Variants in HECW2 observed in about 807,000 individuals in gnomAD.
HECW2 encodes HECT, C2 and WW domain containing E3 ubiquitin protein ligase 2.
In HECW2, 61 loss-of-function variants were observed where a neutral mutation model predicts 175.2. The ratio of observed to expected loss-of-function variants is 0.35; its 90% CI spans 0.28 to 0.43. The LOEUF (loss-of-function observed/expected upper bound fraction) is 0.43. Ranked by LOEUF, HECW2 falls within the 20% of genes least tolerant of loss-of-function variation. The pLI is 1.00. For synonymous variants in HECW2, 671 were observed against 731.0 expected (o/e 0.92, Z 1.32); for missense variants, 1,524 against 2,000.5 (o/e 0.76, Z 4.54).
chr2:196,590,539 C>T (rs1158410546), intron 1 of HECW2, among the ~76,000 whole-genome samples: 1 of 152,182 alleles, frequency 6.6e-6, no homozygotes. Context: ...AAGCCCCAGG[C>T]GAGAAGCCTC....
At chr2:196,487,062 T>C (rs1398547822) in intron 1 of HECW2, among the ~76,000 whole-genome samples, 2 of 149,694 alleles carry the variant, frequency 1.3e-5, no homozygotes, top group Non-Finnish European at 3.0e-5. Context: ...GGCAGGAGAA[T>C]CGCTTGAACC....
In HECW2 at chr2:196,397,660, A is replaced by C. The variant is rs1694708351; in HGVS notation, c.292+35472T>G. On this transcript the variant is annotated intron_variant, in intron 2 of 28. Transcript: ENST00000644978. ...CCACCAAATACCAGACAGCATCATT[A>C]GTTGAAAATGGCCAAGGCATGTTTT... 2.0e-5 allele frequency among the ~76,000 whole-genome samples: 3 copies of C among 152,362 alleles called. No individual in the cohort carries two copies. The South Asian group carries it at 6.2e-4, about 32-fold the overall frequency.
intron 1 of HECW2, among the ~76,000 whole-genome samples, chr2:196,585,043 G>A (rs1483116505): frequency 6.6e-6 from 1 of 152,078 alleles, no homozygotes; most frequent in African/African-American, 2.4e-5. Flanking sequence ...TAAGATTGTG[G>A]CATATGGTTT....
At position 196,196,875 on chromosome 2, in the gene HECW2, A is replaced by G. The variant is rs111332158; in HGVS notation, c.*4402T>C. 9.5e-3 allele frequency: 1,446 copies of G among 152,400 alleles called. 18 individuals are homozygous for G. Among genetic ancestry groups the G allele is most frequent in the Non-Finnish European group, 0.015 (1,049 of 68,150 alleles). 9.4% of individuals were successfully genotyped at this position (152,400 alleles called of 1,614,324 possible). A position where few individuals can be genotyped will look rare whatever the true frequency, so the allele number is the denominator to read the frequency against. On this transcript the variant is annotated 3_prime_UTR_variant, in exon 29 of 29. Transcript: ENST00000644978. ...CACTTTGGGAGGCCAAGGCGGGCGG[A>G]TCGCTTGAGCTCAAGAGTTTGAGAC...
intron 1 of HECW2, among the ~76,000 whole-genome samples, chr2:196,502,786 C>G (rs182429217): frequency 1.3e-5 from 2 of 152,322 alleles, no homozygotes; most frequent in South Asian, 2.1e-4. Flanking sequence ...CTTCACCCAG[C>G]CTTGCTCTTC....
At chr2:196,560,504 A>C (rs1689960829) in intron 1 of HECW2, among the ~76,000 whole-genome samples, 1 of 152,156 alleles carries the variant, frequency 6.6e-6, no homozygotes, top group African/African-American at 2.4e-5. Flanking sequence ...TCCCTGTCCC[A>C]GGGAACTGAG....
chr2:196,549,468 T>TA (rs1386132518), intron 1 of HECW2, among the ~76,000 whole-genome samples: 5 of 152,256 alleles, frequency 3.3e-5, no homozygotes, highest in Non-Finnish European at 5.9e-5. Flanking sequence ...GTCTTTTTTT[T>TA]ACTCAAGATA....
intron 2 of HECW2, among the ~76,000 whole-genome samples, chr2:196,344,362 T>C (rs992226877): frequency 6.0e-5 from 9 of 150,208 alleles, no homozygotes; most frequent in African/African-American, 2.2e-4. Flanking sequence ...TATAGGCTTT[T>C]GTGTTGAAGA....
chr2:196,311,401 C>T (rs1184952190), intron 10 of HECW2, among the ~76,000 whole-genome samples: 1 of 152,154 alleles, frequency 6.6e-6, no homozygotes, highest in African/African-American at 2.4e-5. Context: ...GCAACACTGA[C>T]ACAAATTAAT....
At chr2:196,566,699 A>ATTTTTTTTTTT (rs58391487) in intron 1 of HECW2, among the ~76,000 whole-genome samples, 43 of 94,188 alleles carry the variant, frequency 4.6e-4, no homozygotes, top group Non-Finnish European at 6.8e-4. Flanking sequence ...CACCCAGCTA[A>ATTTTTTTTTTT]TTTTTTTTTT....
chr2:196,586,741 A>T (rs1335525118), intron 1 of HECW2: 2 of 4,768 alleles, frequency 4.2e-4, no homozygotes, highest in African/African-American at 8.8e-4. Flanking sequence ...ATGGTTAACC[A>T]AAAAAAAAAA....
rs377239039 is a variant in HECW2 at position 196,331,158 on chromosome 2, T to A, written c.496-1508A>T. ...CATCCTGATTGCTTCACATGTCCTC[T>A]GCAACACACCAGGGTCCATCCAGGT... On this transcript the variant is annotated intron_variant, in intron 4 of 28. Coordinates refer to ENST00000644978, the MANE Select transcript of HECW2 (RefSeq NM_001348768.2). 8.9e-5 allele frequency: 88 copies of A among 985,370 alleles called. 2 individuals carry two copies. The East Asian group carries it at 2.7e-3, about 30-fold the overall frequency. The allele number at this position is 985,370 out of a possible 1,614,324, so 61.0% of individuals were successfully genotyped here.
intron 2 of HECW2, among the ~76,000 whole-genome samples, chr2:196,363,459 T>G (rs1469769178): frequency 1.3e-5 from 2 of 152,024 alleles, no homozygotes; most frequent in Non-Finnish European, 2.9e-5. Context: ...TATAACACTC[T>G]TGAAAATGCC....
At chr2:196,564,293 C>T (rs1270595991) in intron 1 of HECW2, among the ~76,000 whole-genome samples, 1 of 151,954 alleles carries the variant, frequency 6.6e-6, no homozygotes, top group Admixed American at 6.5e-5. Context: ...CAATCAAATG[C>T]AATGTGTGAA....
chr2:196,431,881 G>A (rs879918031), intron 2 of HECW2, among the ~76,000 whole-genome samples: 17 of 152,170 alleles, frequency 1.1e-4, no homozygotes, highest in Admixed American at 2.0e-4. Context: ...AGTTATATAA[G>A]TGAATACAAA....
intron 2 of HECW2, among the ~76,000 whole-genome samples, chr2:196,371,253 C>T (rs1223404795): frequency 6.6e-6 from 1 of 152,190 alleles, no homozygotes; most frequent in African/African-American, 2.4e-5. Context: ...AGGTACATGT[C>T]ATTTTTGATT....
At chr2:196,591,018 G>A (rs1691170247) in intron 1 of HECW2, among the ~76,000 whole-genome samples, 1 of 151,390 alleles carries the variant, frequency 6.6e-6, no homozygotes, top group African/African-American at 2.4e-5. Context: ...GGGAAAACTA[G>A]CTTTGTGATC....
intron 3 of HECW2, among the ~76,000 whole-genome samples, chr2:196,336,606 G>A (rs1427859264): frequency 6.6e-6 from 1 of 151,938 alleles, no homozygotes; most frequent in Admixed American, 6.6e-5. Flanking sequence ...TTTTCCTAAG[G>A]TTTTAATAGT....
chr2:196,350,762 T>C (rs931657987), intron 2 of HECW2, among the ~76,000 whole-genome samples: 2 of 148,454 alleles, frequency 1.3e-5, no homozygotes, highest in African/African-American at 5.3e-5. Context: ...CACATAGATA[T>C]ATAATGCAAT....
Sources: allele counts gnomAD v4.1 joint callset (sites outside exome capture counted in the v4.1 genomes callset), GRCh38; gene constraint gnomAD v4.1.1; transcripts MANE v1.5; gene names NCBI Gene and HGNC (gene_info 2026-07-23, HGNC 2026-07-21).